The following HOOK3 variants were observed in gnomAD, a reference collection of about 807,000 sequenced individuals.
The protein encoded by HOOK3 is hook microtubule tethering protein 3.
In HOOK3, 24 loss-of-function variants were observed where a neutral mutation model predicts 116.3. The observed-to-expected ratio is 0.21, with a 90% CI of 0.15 to 0.29. The LOEUF is 0.29. HOOK3 is among the 10% of genes least tolerant of loss of function. HOOK3 has a pLI of 1.00. For synonymous variants in HOOK3, 275 were observed against 283.0 expected (o/e 0.97, Z 0.28); for missense variants, 632 against 830.2 (o/e 0.76, Z 2.93).
chr8:42,928,279 GA>G (rs111464606), intron 3 of HOOK3, among the ~76,000 whole-genome samples: 35 of 135,826 alleles, frequency 2.6e-4, no homozygotes, highest in Admixed American at 3.7e-4. Context: ...CTCTGTCTCA[GA>G]AAAAAAAAAA....
chr8:43,018,401 G>A lies in HOOK3; in HGVS notation c.2060G>A (p.Ser687Asn), dbSNP rs765355806. Residue 687 changes from serine (S) to asparagine (N), a missense_variant, in exon 22 of 22, where the codon AGC becomes AAC. Transcript: ENST00000307602. ...HKKAAEDRLA[S>N]TGSGQSFLAR... is the part of the protein sequence containing the mutation. Reference sequence around the variant, plus strand: ...AAGGCAGCTGAAGATAGACTGGCAAGCACAGGCTCAGGGCAGTCATTTCTG... The same window carrying A: ...AAGGCAGCTGAAGATAGACTGGCAAACACAGGCTCAGGGCAGTCATTTCTG... The A allele has an allele frequency of 1.9e-6, 3 of 1,612,932 alleles. No individual in the cohort carries two copies. Among genetic ancestry groups the A allele is most frequent in the Non-Finnish European group, 1.7e-6 (2 of 1,179,700 alleles).
At chr8:42,916,794 C>T (rs928297664) in intron 2 of HOOK3, among the ~76,000 whole-genome samples, 1 of 152,120 alleles carries the variant, frequency 6.6e-6, no homozygotes, top group African/African-American at 2.4e-5. Flanking sequence ...TTTTCTGAAA[C>T]CTTTAAATAC....
intron 2 of HOOK3, among the ~76,000 whole-genome samples, chr8:42,923,713 A>G (rs1312038833): frequency 6.6e-6 from 1 of 152,210 alleles, no homozygotes; most frequent in Non-Finnish European, 1.5e-5. Flanking sequence ...TTTTGGAAAG[A>G]TGGAAGTGCT....
intron 21 of HOOK3, among the ~76,000 whole-genome samples, chr8:43,016,191 C>T (rs1809712613): frequency 6.6e-6 from 1 of 150,572 alleles, no homozygotes; most frequent in Non-Finnish European, 1.5e-5. Flanking sequence ...GATCTCGGCT[C>T]ACTGTAAGCT....
intron 19 of HOOK3, among the ~76,000 whole-genome samples, chr8:43,012,166 C>T (rs1809625942): frequency 6.6e-6 from 1 of 152,224 alleles, no homozygotes; most frequent in Admixed American, 6.5e-5. Context: ...CATTTAATAA[C>T]AGGGACACGT....
intron 7 of HOOK3, 63 bp from the exon 8 acceptor site, chr8:42,959,168 A>G (rs1808491862): frequency 2.8e-6 from 3 of 1,073,644 alleles, no homozygotes; most frequent in Admixed American, 1.8e-5. Context: ...TCTGTGTTGA[A>G]CATACGAATT....
At chr8:42,980,544 T>C (rs1808918981) in intron 13 of HOOK3, among the ~76,000 whole-genome samples, 1 of 151,964 alleles carries the variant, frequency 6.6e-6, no homozygotes, top group Non-Finnish European at 1.5e-5. Context: ...ATCCATGGAT[T>C]AATATGTTAA....
intron 5 of HOOK3, among the ~76,000 whole-genome samples, chr8:42,947,405 G>T (rs960136028): frequency 6.6e-6 from 1 of 152,144 alleles, no homozygotes; most frequent in Non-Finnish European, 1.5e-5. Context: ...TCAGCTAATT[G>T]TATTTACTAC....
chr8:43,017,201 C>T (rs1355364725), intron 21 of HOOK3, among the ~76,000 whole-genome samples: 2 of 152,174 alleles, frequency 1.3e-5, no homozygotes, highest in Non-Finnish European at 2.9e-5. Flanking sequence ...TGCTTATGCC[C>T]AGCAGTTTAC....
chr8:42,992,717 A>G (rs996099566), intron 15 of HOOK3, among the ~76,000 whole-genome samples: 14 of 151,474 alleles, frequency 9.2e-5, no homozygotes, highest in African/African-American at 3.4e-4. Context: ...TCTCAAAAAA[A>G]AAAAAAAAAA....
intron 17 of HOOK3, among the ~76,000 whole-genome samples, chr8:43,007,400 G>A (rs973496808): frequency 5.9e-5 from 9 of 152,104 alleles, no homozygotes; most frequent in African/African-American, 1.9e-4. Flanking sequence ...TAACAGAATC[G>A]TACATTGTTA....
chr8:42,915,360 G>A (rs1807510285), intron 2 of HOOK3, among the ~76,000 whole-genome samples: 1 of 152,090 alleles, frequency 6.6e-6, no homozygotes, highest in Non-Finnish European at 1.5e-5. Flanking sequence ...GCTGGACTCT[G>A]TCTCAAAACA....
chr8:42,991,677 C>T (rs566935926), intron 15 of HOOK3, among the ~76,000 whole-genome samples: 24 of 152,184 alleles, frequency 1.6e-4, no homozygotes, highest in Non-Finnish European at 2.6e-4. Flanking sequence ...GCTGGGATTA[C>T]AGGCGTGAGC....
chr8:42,942,104 C>T (rs1220227014), intron 4 of HOOK3, among the ~76,000 whole-genome samples: 1 of 151,950 alleles, frequency 6.6e-6, no homozygotes, highest in Non-Finnish European at 1.5e-5. Flanking sequence ...ACTAAAAATA[C>T]AAAATTAGCT....
intron 4 of HOOK3, among the ~76,000 whole-genome samples, chr8:42,932,215 G>A (rs931086572): frequency 1.3e-5 from 2 of 152,126 alleles, no homozygotes; most frequent in African/African-American, 4.8e-5. Flanking sequence ...ACATATGAAT[G>A]CGAACATAGG....
At chr8:42,969,383 T>C (rs965895687) in intron 11 of HOOK3, among the ~76,000 whole-genome samples, 3 of 152,206 alleles carry the variant, frequency 2.0e-5, no homozygotes, top group Admixed American at 1.3e-4. Context: ...CTCAACACTT[T>C]GGGAGGCTGA....
At chr8:42,994,850 T>C (rs1222995752) in intron 15 of HOOK3, among the ~76,000 whole-genome samples, 1 of 152,250 alleles carries the variant, frequency 6.6e-6, no homozygotes, top group Non-Finnish European at 1.5e-5. Context: ...TGGTACATAC[T>C]GGATTGTGTT....
intron 18 of HOOK3, among the ~76,000 whole-genome samples, chr8:43,009,140 T>G (rs905577816): frequency 1.5e-4 from 22 of 151,530 alleles, no homozygotes; most frequent in Non-Finnish European, 2.8e-4. Context: ...GGTGGCTCAC[T>G]CCTGTAATCC....
rs530675894 is a variant in HOOK3, at chr8:42,950,414, G to A, written c.427G>A (p.Glu143Lys). The stretch of plus-strand genomic sequence containing the variant: ...GTACATCCAAGCCATTATGATGATG[G>A]AGGAATCTGTTCAACATGTTGTCAT... ...QEYIQAIMMM[E>K]ESVQHVVMTA... The change falls in exon 6 of 22, where the codon GAG becomes AAG. Residue 143 changes from glutamate to lysine, a missense_variant. By Grantham distance (56) the Glu-to-Lys change is moderately conservative. Transcript: ENST00000307602. 2.5e-6 allele frequency: 4 copies of A among 1,610,634 alleles called. No homozygotes were observed. The East Asian group carries it at 6.7e-5, about 27-fold the overall frequency.
Sources: gnomAD v4.1 joint callset for allele counts (sites outside exome capture counted in the v4.1 genomes callset) on GRCh38, gnomAD v4.1.1 for gene constraint, MANE v1.5 for transcripts, NCBI Gene and HGNC (gene_info 2026-07-23, HGNC 2026-07-21) for gene names.